ZPBP: variants seen among roughly 807,000 people sequenced by gnomAD.
ZPBP encodes zona pellucida-binding protein 1.
ZPBP carries 26 observed loss-of-function variants against 44.8 expected under a neutral mutation model. That is an observed-to-expected ratio of 0.58 (90% CI 0.43 to 0.81). ZPBP has a LOEUF of 0.81. ZPBP is among the 30% of genes least tolerant of loss of function. ZPBP has a pLI of 0.00. For synonymous variants in ZPBP, 174 were observed against 153.2 expected (o/e 1.14, Z -1.00); for missense variants, 409 against 434.0 (o/e 0.94, Z 0.51).
intron 3 of ZPBP, among the ~76,000 whole-genome samples, chr7:50,058,488 C>T (rs917460314): frequency 6.6e-6 from 1 of 152,048 alleles, no homozygotes; most frequent in Non-Finnish European, 1.5e-5. Flanking sequence ...TACATATATA[C>T]ATATACTTTA....
intron 1 of ZPBP, among the ~76,000 whole-genome samples, chr7:49,907,869 C>T (rs1260211705): frequency 2.0e-5 from 3 of 151,998 alleles, no homozygotes; most frequent in Non-Finnish European, 4.4e-5. Flanking sequence ...GTTGTGGAGA[C>T]CATAGTTTTG....
chr7:49,951,405 A>G lies in ZPBP; in HGVS notation c.962-13783T>C, dbSNP rs923161520. Among the ~76,000 whole-genome samples the G allele has an allele frequency of 7.2e-5, 11 of 151,908 alleles. No individual in the cohort carries two copies. The East Asian group carries it at 2.1e-3, about 29-fold the overall frequency. ...AGAAACACTGGCAGAGGATTTACGTAGACATTTCTCCAAAAAAGATACACA... is the reference window on the plus strand; with the variant it reads ...AGAAACACTGGCAGAGGATTTACGTGGACATTTCTCCAAAAAAGATACACA... On this transcript the variant is annotated intron_variant, in intron 7 of 7. Coordinates refer to ENST00000046087, the MANE Select transcript of ZPBP (RefSeq NM_007009.3).
chr7:50,033,618 G>A (rs1035372715), intron 4 of ZPBP, among the ~76,000 whole-genome samples: 1 of 152,110 alleles, frequency 6.6e-6, no homozygotes, highest in Non-Finnish European at 1.5e-5. Flanking sequence ...CTTATGACAA[G>A]TTCCAGCAAA....
intron 7 of ZPBP, among the ~76,000 whole-genome samples, chr7:49,948,028 G>C (rs1361999372): frequency 2.6e-5 from 4 of 152,192 alleles, no homozygotes; most frequent in African/African-American, 9.6e-5. Context: ...GTTCACTCGA[G>C]GCCCAAAGGC....
At chr7:50,045,983 A>G (rs1226456470) in intron 4 of ZPBP, among the ~76,000 whole-genome samples, 2 of 152,194 alleles carry the variant, frequency 1.3e-5, no homozygotes, top group Admixed American at 6.6e-5. Flanking sequence ...AGGCCTCAGA[A>G]ATAATGCTAC....
At chr7:49,901,739 T>C (rs1792741157) in intron 1 of ZPBP, among the ~76,000 whole-genome samples, 1 of 151,762 alleles carries the variant, frequency 6.6e-6, no homozygotes, top group South Asian at 2.1e-4. Context: ...CAACACGATA[T>C]TGAAAGAGAA....
At chr7:49,930,179 AG>A (rs1336995336) in intron 1 of ZPBP, among the ~76,000 whole-genome samples, 1 of 152,222 alleles carries the variant, frequency 6.6e-6, no homozygotes, top group Non-Finnish European at 1.5e-5. Context: ...CAAGAGTACA[AG>A]TAGTCCGAGG....
intron 5 of ZPBP, among the ~76,000 whole-genome samples, chr7:50,023,886 G>T (rs539275829): frequency 6.6e-6 from 1 of 152,114 alleles, no homozygotes; most frequent in Admixed American, 6.6e-5. Context: ...GCCCATCAGT[G>T]GGGCTGGGGG....
chr7:49,974,308 A>G (rs1796411852), intron 7 of ZPBP, among the ~76,000 whole-genome samples: 2 of 152,184 alleles, frequency 1.3e-5, no homozygotes, highest in African/African-American at 2.4e-5. Flanking sequence ...TGCATAATTT[A>G]CCAATAAAAA....
chr7:49,849,134 C>T (rs1266403805), downstream of ZPBP, among the ~76,000 whole-genome samples: 1 of 152,144 alleles, frequency 6.6e-6, no homozygotes, highest in African/African-American at 2.4e-5. Flanking sequence ...ACTTACATAT[C>T]CCAGCAGTTC....
chr7:50,060,604 T>C (rs1032662142), intron 3 of ZPBP, among the ~76,000 whole-genome samples: 1 of 151,980 alleles, frequency 6.6e-6, no homozygotes, highest in African/African-American at 2.4e-5. Flanking sequence ...TCTCCCATGA[T>C]TGAACCAGGA....
chr7:49,931,574 C>T (rs951199771), intron 1 of ZPBP, among the ~76,000 whole-genome samples: 2 of 152,124 alleles, frequency 1.3e-5, no homozygotes, highest in African/African-American at 2.4e-5. Flanking sequence ...AGTGGAAGAA[C>T]CTTCTAAGCA....
At chr7:49,850,211 TC>T (rs150515831), downstream of ZPBP, among the ~76,000 whole-genome samples, 26 of 152,312 alleles carry the variant, frequency 1.7e-4, no homozygotes, top group East Asian at 5.0e-3. Flanking sequence ...GGGTCTGTCA[TC>T]AATGAAGGTT....
At chr7:49,959,283 A>G (rs2128763380) in intron 7 of ZPBP, among the ~76,000 whole-genome samples, 1 of 150,088 alleles carries the variant, frequency 6.7e-6, no homozygotes, top group African/African-American at 2.4e-5. Flanking sequence ...AAAAAGGCAC[A>G]AACATCAGAA....
rs533743909 is a variant in ZPBP at position 49,995,068 on chromosome 7, G to A, written c.784-11549C>T. Among the ~76,000 whole-genome samples the A allele has an allele frequency of 3.3e-4, 51 of 152,242 alleles. No individual in the cohort carries two copies. The South Asian group carries it at 8.7e-3, about 26-fold the overall frequency. On this transcript the variant is annotated intron_variant, in intron 6 of 7. Transcript: ENST00000046087. The stretch of plus-strand genomic sequence containing the variant: ...CCATTGAACCCCTAGAAATTTCACT[G>A]AGGCAGAAGGTCCCCAAATTTTAAT...
intron 3 of ZPBP, among the ~76,000 whole-genome samples, chr7:50,060,704 C>G (rs114304941): frequency 2.6e-5 from 4 of 152,208 alleles, no homozygotes; most frequent in Middle Eastern, 3.4e-3. Flanking sequence ...CTGGACTAGA[C>G]AGATTCACAG....
At chr7:49,879,526 C>T (rs921550810) in intron 2 of ZPBP, among the ~76,000 whole-genome samples, 11 of 152,122 alleles carry the variant, frequency 7.2e-5, no homozygotes, top group African/African-American at 2.4e-4. Flanking sequence ...TCAAGTTGAG[C>T]GTTAGTCCAT....
intron 4 of ZPBP, among the ~76,000 whole-genome samples, chr7:50,049,148 T>C (rs911806816): frequency 6.6e-5 from 10 of 152,020 alleles, no homozygotes; most frequent in African/African-American, 2.4e-4. Flanking sequence ...TGATTAGACC[T>C]GTAATAAAAA....
intron 3 of ZPBP, among the ~76,000 whole-genome samples, chr7:50,071,973 T>C (rs1189090518): frequency 1.3e-5 from 2 of 152,192 alleles, no homozygotes; most frequent in African/African-American, 2.4e-5. Context: ...GAAAAACTCC[T>C]TCTGCTTGAG....
Sources: gnomAD v4.1 joint callset for allele counts (sites outside exome capture counted in the v4.1 genomes callset) on GRCh38, gnomAD v4.1.1 for gene constraint, MANE v1.5 for transcripts, NCBI Gene and HGNC (gene_info 2026-07-23, HGNC 2026-07-21) for gene names.